NFIC: variants seen among roughly 807,000 people sequenced by gnomAD.
NFIC encodes nuclear factor 1 C-type.
NFIC carries 12 observed loss-of-function variants against 54.4 expected under a neutral mutation model. That is an observed-to-expected ratio of 0.22 (90% CI 0.14 to 0.36). The LOEUF (loss-of-function observed/expected upper bound fraction) is 0.36. Among genes scored for constraint, NFIC ranks in the 10% least tolerant of loss-of-function variants. NFIC has a pLI of 1.00. For synonymous variants in NFIC, 322 were observed against 319.2 expected (o/e 1.01, Z -0.09); for missense variants, 575 against 718.2 (o/e 0.80, Z 2.28).
intron 7 of NFIC, 116 bp downstream of exon 7, chr19:3,449,255 G>A: frequency 1.4e-6 from 2 of 1,428,446 alleles, no homozygotes; most frequent in East Asian, 2.6e-5. Flanking sequence ...TAGCCTTCTA[G>A]GTGGGCAAAA....
At chr19:3,363,909 C>G (rs1037148868), upstream of NFIC, among the ~76,000 whole-genome samples, 1 of 152,236 alleles carries the variant, frequency 6.6e-6, no homozygotes, top group South Asian at 2.1e-4. Flanking sequence ...AGGGGGAGAG[C>G]TCTCCAGCTT....
chr19:3,417,881 G>T (rs774082787), intron 2 of NFIC, among the ~76,000 whole-genome samples: 3 of 146,688 alleles, frequency 2.0e-5, no homozygotes, highest in Admixed American at 1.4e-4. Context: ...CTCATGATCC[G>T]CCCGCCTCGG....
intron 1 of NFIC, among the ~76,000 whole-genome samples, chr19:3,360,541 G>A (rs915375824): frequency 4.6e-5 from 7 of 152,024 alleles, no homozygotes; most frequent in Non-Finnish European, 1.0e-4. Context: ...GCATCTGGGG[G>A]AGCGTCTGGG....
At chr19:3,361,160 A>T (rs1002836233) in intron 1 of NFIC, among the ~76,000 whole-genome samples, 4 of 151,972 alleles carry the variant, frequency 2.6e-5, no homozygotes, top group Non-Finnish European at 4.4e-5. Flanking sequence ...TTCGGGCGCG[A>T]GGTGGCGCCG....
At chr19:3,431,088 T>C (rs1044800932) in intron 3 of NFIC, among the ~76,000 whole-genome samples, 1 of 152,076 alleles carries the variant, frequency 6.6e-6, no homozygotes, top group Non-Finnish European at 1.5e-5. Flanking sequence ...ATTTATTTAC[T>C]GGTTTTGAGA....
At chr19:3,454,376 G>A (rs933471694) in intron 9 of NFIC, 93 of 637,092 alleles carry the variant, frequency 1.5e-4, no homozygotes, top group Non-Finnish European at 1.7e-4. Flanking sequence ...GGCTTCTTGG[G>A]GAGAAAGGAG....
At position 3,463,329 on chromosome 19, in the gene NFIC, C is replaced by G. The variant is rs896719046; in HGVS notation, c.*560C>G. The G allele has an allele frequency of 1.7e-5, 17 of 986,776 alleles. No individual in the cohort carries two copies. The highest frequency in any genetic ancestry group is 2.0e-5 in the Non-Finnish European group (17 of 831,090). The allele number at this position is 986,776 out of a possible 1,614,324, so 61.1% of individuals were successfully genotyped here. A position where few individuals can be genotyped will look rare whatever the true frequency, so the allele number is the denominator to read the frequency against. ...CCTCAGCCCCCACCGAGGACGCAGCCACTGGGGGGAAAGGGAGACACAGCG... is the reference window on the plus strand; with the variant it reads ...CCTCAGCCCCCACCGAGGACGCAGCGACTGGGGGGAAAGGGAGACACAGCG... On this transcript the variant is annotated 3_prime_UTR_variant, in exon 11 of 11. Transcript: ENST00000443272.
chr19:3,384,427 TC>T (rs922010763), intron 2 of NFIC, among the ~76,000 whole-genome samples: 7 of 150,532 alleles, frequency 4.7e-5, no homozygotes, highest in African/African-American at 1.5e-4. Flanking sequence ...TTCGCCCTGT[TC>T]CCCGGGCTGG....
intron 5 of NFIC, 104 bp from the exon 6 acceptor site, chr19:3,434,979 C>A: frequency 7.2e-7 from 1 of 1,394,610 alleles, no homozygotes; most frequent in Non-Finnish European, 9.6e-7. Context: ...TACTACCTCC[C>A]TCGCCCCCGC....
intron 2 of NFIC, among the ~76,000 whole-genome samples, chr19:3,423,287 C>T (rs573043305): frequency 6.6e-6 from 1 of 152,180 alleles, no homozygotes; most frequent in East Asian, 1.9e-4. Flanking sequence ...TCAAGTGCTT[C>T]AGGAGTATCC....
intron 2 of NFIC, among the ~76,000 whole-genome samples, chr19:3,398,273 A>G (rs922794746): frequency 1.3e-5 from 2 of 152,170 alleles, no homozygotes; most frequent in African/African-American, 4.8e-5. Context: ...AGAGGGTATT[A>G]GGGAGAAGGG....
chr19:3,363,261 ATATATATATT>A (rs1186293918), upstream of NFIC, among the ~76,000 whole-genome samples: 19 of 64,746 alleles, frequency 2.9e-4, no homozygotes, highest in African/African-American at 1.4e-3. Flanking sequence ...ATATATATAT[ATATATATATT>A]TTTTTTTTTT....
rs546211096 is a variant in NFIC, at chr19:3,380,090, T to C, written c.31-1622T>C. 5.3e-5 allele frequency among the ~76,000 whole-genome samples: 8 copies of C among 151,886 alleles called. No individual in the cohort carries two copies. In the South Asian group the frequency reaches 1.5e-3, roughly 28 times the overall value. On this transcript the variant is annotated intron_variant, in intron 1 of 10. Transcript: ENST00000443272. ...ATCTCGGCTCACTGCAAGCTCCGCC[T>C]CCCGGGTTCATGCCAATCTCCTGCC...
At position 3,429,253 on chromosome 19, in the gene NFIC, T is replaced by TATAC. The variant is rs1214634239; in HGVS notation, c.634+4077_634+4078insTACA. ...CCCCAAAAAAAAAAAAAAAAATATA[T>TATAC]ACACACACACACACACACACACACA... On this transcript the variant is annotated intron_variant, in intron 3 of 10. Coordinates refer to ENST00000443272, the MANE Select transcript of NFIC (RefSeq NM_001245002.2). Among the ~76,000 whole-genome samples the TATAC allele has an allele frequency of 9.1e-4, 46 of 50,808 alleles. 9 individuals are homozygous for TATAC. Among genetic ancestry groups the TATAC allele is most frequent in the African/African-American group, 3.3e-3 (37 of 11,066 alleles). The allele number at this position is 50,808 out of a possible 152,430, so 33.3% of individuals were successfully genotyped here. A position where few individuals can be genotyped will look rare whatever the true frequency, so the allele number is the denominator to read the frequency against.
chr19:3,431,456 C>A (rs2082120124), intron 3 of NFIC, among the ~76,000 whole-genome samples: 1 of 148,146 alleles, frequency 6.8e-6, no homozygotes, highest in Non-Finnish European at 1.5e-5. Flanking sequence ...GCAGCCTCAA[C>A]CTCCAGGGCT....
At position 3,439,361 on chromosome 19, in the gene NFIC, A is replaced by T. The variant is rs974729030; in HGVS notation, c.958+4154A>T. 7.8e-5 allele frequency among the ~76,000 whole-genome samples: 11 copies of T among 141,238 alleles called. 1 individual carries two copies. Among genetic ancestry groups the T allele is most frequent in the African/African-American group, 2.9e-4 (11 of 37,446 alleles). 92.7% of individuals were successfully genotyped at this position (141,238 alleles called of 152,430 possible). A position where few individuals can be genotyped will look rare whatever the true frequency, so the allele number is the denominator to read the frequency against. On this transcript the variant is annotated intron_variant, in intron 6 of 10. Transcript: ENST00000443272. ...AAAAAAAAAAAAAAAAAAAAAAAAA[A>T]AAAAAAAAAAAAAAGGCTCACCTGT...
In NFIC at chr19:3,422,401, C is replaced by T. The variant is rs1335197049; in HGVS notation, c.563-2705C>T. 2.7e-5 allele frequency among the ~76,000 whole-genome samples: 4 copies of T among 150,430 alleles called. No homozygotes were observed. The East Asian group carries it at 8.1e-4, about 31-fold the overall frequency. On this transcript the variant is annotated intron_variant, in intron 2 of 10. Transcript: ENST00000443272. ...CTGGCTTAATCATCATCTCATTTTG[C>T]GGATGAAGAAACTCAGGCCTTGAAA...
chr19:3,397,473 C>T (rs967613620), intron 2 of NFIC, among the ~76,000 whole-genome samples: 1 of 152,172 alleles, frequency 6.6e-6, no homozygotes, highest in Non-Finnish European at 1.5e-5. Context: ...GTCTCAAACC[C>T]CTGGACCTGG....
intron 2 of NFIC, among the ~76,000 whole-genome samples, chr19:3,394,687 G>C (rs1381183159): frequency 6.6e-6 from 1 of 151,800 alleles, no homozygotes; most frequent in Non-Finnish European, 1.5e-5. Context: ...TTCCGTGCCT[G>C]GGAGGAACCT....
Sources: gnomAD v4.1 joint callset for allele counts (sites outside exome capture counted in the v4.1 genomes callset) on GRCh38, gnomAD v4.1.1 for gene constraint, MANE v1.5 for transcripts, NCBI Gene and HGNC (gene_info 2026-07-23, HGNC 2026-07-21) for gene names.